KIF18A: variants seen among roughly 807,000 people sequenced by gnomAD.
The protein encoded by KIF18A is kinesin-like protein KIF18A.
Under a neutral mutation model 103.3 loss-of-function variants are expected in KIF18A, and 67 were observed. That is an observed-to-expected ratio of 0.65 (90% CI 0.53 to 0.79). KIF18A has a LOEUF of 0.79. Among genes scored for constraint, KIF18A ranks in the 30% least tolerant of loss-of-function variants. The pLI is 0.00. For synonymous variants in KIF18A, 367 were observed against 355.5 expected, an observed-to-expected ratio of 1.03 and a Z score of -0.36; for missense variants, 1,032 against 1,062.5, an observed-to-expected ratio of 0.97 and a Z score of 0.40.
At chr11:28,062,051 G>T (rs1850861616) in intron 12 of KIF18A, among the ~76,000 whole-genome samples, 1 of 152,066 alleles carries the variant, frequency 6.6e-6, no homozygotes, top group African/African-American at 2.4e-5. Flanking sequence ...TTCAAGTGAT[G>T]TTAACAGCAA....
chr11:28,097,697 G>C lies in KIF18A; in HGVS notation c.251C>G (p.Ser84Ter). The C allele has an allele frequency of 6.2e-7, 1 of 1,611,274 alleles. No individual in the cohort carries two copies. The highest frequency in any genetic ancestry group is 1.3e-5 in the African/African-American group (1 of 74,982). ...FVFDAVFDET[S>*]TQSEVFEHTT... ...GTGTTCAAAAACTTCTGACTGAGTT[G>C]ACGTTTCATCAAAAACAGCATCAAA... Residue 84 changes from serine to a stop codon, truncating the protein, a stop_gained, in exon 2 of 17, where the codon TCA becomes TGA. Transcript: ENST00000263181. LOFTEE classifies it high-confidence loss of function.
intron 15 of KIF18A, among the ~76,000 whole-genome samples, chr11:28,025,823 A>G (rs991137315): frequency 6.6e-6 from 1 of 152,026 alleles, no homozygotes; most frequent in Non-Finnish European, 1.5e-5. Context: ...AAATAAAGTT[A>G]AGAATTAACC....
chr11:28,072,827 CT>C (rs1851038645), intron 10 of KIF18A, among the ~76,000 whole-genome samples: 1 of 151,174 alleles, frequency 6.6e-6, no homozygotes, highest in South Asian at 2.1e-4. Flanking sequence ...ATGTCTTAAT[CT>C]TTCTAGATAA....
chr11:28,069,272 C>A lies in KIF18A; in HGVS notation c.1577G>T (p.Gly526Val). 4.3e-6 allele frequency: 7 copies of A among 1,612,690 alleles called. No homozygotes were observed. Among genetic ancestry groups the A allele is most frequent in the Non-Finnish European group, 5.9e-6 (7 of 1,178,956 alleles). Residue 526 changes from glycine (G) to valine (V), a missense_variant, in exon 11 of 17, where the codon GGT becomes GTT. Coordinates refer to ENST00000263181, the MANE Select transcript of KIF18A (RefSeq NM_031217.4). ...AGATATTTGTACCTTTGGAATATGA[C>A]CGTTTTGACTTAAGAGTCCCATTTC... ...EKEMGLLSQN[G>V]HIPKELKKDL...
chr11:28,100,860 C>T (rs1851436924), intron 1 of KIF18A, among the ~76,000 whole-genome samples: 1 of 152,044 alleles, frequency 6.6e-6, no homozygotes, highest in South Asian at 2.1e-4. Flanking sequence ...TCCGTCTAGC[C>T]AAGTGTCACA....
chr11:28,099,412 T>C (rs1474280602), intron 1 of KIF18A, among the ~76,000 whole-genome samples: 1 of 152,048 alleles, frequency 6.6e-6, no homozygotes, highest in East Asian at 1.9e-4. Context: ...TGGTGATCTA[T>C]TGCACAGCAA....
At chr11:28,069,538 A>G in intron 10 of KIF18A, 115 bp from the exon 11 acceptor site, 7 of 961,542 alleles carry the variant, frequency 7.3e-6, no homozygotes, top group Non-Finnish European at 8.9e-6. Context: ...AAGTTAGGCT[A>G]CATTTTTGTA....
At position 28,097,989 on chromosome 11, in the gene KIF18A, C is replaced by G. The variant is rs367680266; in HGVS notation, c.-42G>C. Reference sequence around the variant, plus strand: ...TCCTATCTGTATAAATACTTGAATACTTCTCTGAAATTAAAAAAGAAAATA... The same window carrying G: ...TCCTATCTGTATAAATACTTGAATAGTTCTCTGAAATTAAAAAAGAAAATA... On this transcript the variant is annotated 5_prime_UTR_variant, in exon 2 of 17. Transcript: ENST00000263181. The G allele has an allele frequency of 1.5e-6, 2 of 1,361,574 alleles. No individual in the cohort carries two copies. The allele number at this position is 1,361,574 out of a possible 1,614,324, so 84.3% of individuals were successfully genotyped here. A position where few individuals can be genotyped will look rare whatever the true frequency, so the allele number is the denominator to read the frequency against.
At chr11:28,098,137 G>A (rs1851399573) in intron 1 of KIF18A, 144 bp from the exon 2 acceptor site, 11 of 522,534 alleles carry the variant, frequency 2.1e-5, no homozygotes, top group East Asian at 6.2e-5. Flanking sequence ...ACATACATAC[G>A]TAGGCACACA....
chr11:28,095,877 T>C (rs186239779), intron 2 of KIF18A, among the ~76,000 whole-genome samples: 34 of 151,690 alleles, frequency 2.2e-4, no homozygotes, highest in African/African-American at 8.2e-4. Flanking sequence ...CTGAGGGCAG[T>C]GGCTCATTCC....
At chr11:28,061,344 T>C (rs1399823224) in intron 12 of KIF18A, among the ~76,000 whole-genome samples, 1 of 152,146 alleles carries the variant, frequency 6.6e-6, no homozygotes, top group Non-Finnish European at 1.5e-5. Flanking sequence ...CTCATCCTCT[T>C]TCTTCTATGC....
At chr11:28,063,042 C>T (rs558605112) in intron 11 of KIF18A, among the ~76,000 whole-genome samples, 1 of 152,100 alleles carries the variant, frequency 6.6e-6, no homozygotes, top group Non-Finnish European at 1.5e-5. Context: ...CCCCAGTGTA[C>T]AAAGTCTTGA....
intron 10 of KIF18A, among the ~76,000 whole-genome samples, chr11:28,072,226 C>T (rs1296517300): frequency 1.3e-5 from 2 of 152,084 alleles, no homozygotes; most frequent in Non-Finnish European, 2.9e-5. Flanking sequence ...AAAAGTCTTG[C>T]GAGAGAACAA....
chr11:28,042,901 T>C (rs148943564), intron 13 of KIF18A, among the ~76,000 whole-genome samples: 64 of 151,974 alleles, frequency 4.2e-4, no homozygotes, highest in African/African-American at 1.5e-3. Context: ...GAGTATTGTA[T>C]AGCTCAGACT....
At chr11:28,061,779 T>C (rs980719562) in intron 12 of KIF18A, among the ~76,000 whole-genome samples, 1 of 152,086 alleles carries the variant, frequency 6.6e-6, no homozygotes, top group African/African-American at 2.4e-5. Context: ...GAAATAAATA[T>C]CCCATTTGCA....
intron 1 of KIF18A, among the ~76,000 whole-genome samples, chr11:28,104,155 A>C (rs1851478046): frequency 6.6e-6 from 1 of 152,196 alleles, no homozygotes; most frequent in Non-Finnish European, 1.5e-5. Context: ...AAGTACAATA[A>C]ATTTTATTTA....
Position 28,077,058 on chromosome 11 carries a change from T to A in KIF18A, c.1374A>T (p.Gln458His). 6.3e-7 allele frequency: 1 copy of A among 1,578,648 alleles called. No individual in the cohort carries two copies. Among genetic ancestry groups the A allele is most frequent in the South Asian group, 1.2e-5 (1 of 85,906 alleles). ...TCATTTCTATTTGTTTATGGCACTG[T>A]TGTTGGTAGAATGATTTAAGTTCAT... ...KENELKSFYQ[Q>H]QCHKQIEMMC... Residue 458 changes from glutamine (Q) to histidine (H), a missense_variant, in exon 10 of 17, where the codon CAA (glutamine) becomes CAT (histidine). Gln to His is a conservative substitution (Grantham distance 24). Transcript: ENST00000263181.
intron 1 of KIF18A, among the ~76,000 whole-genome samples, chr11:28,099,485 TG>T (rs751242310): frequency 3.9e-5 from 6 of 152,164 alleles, no homozygotes; most frequent in Non-Finnish European, 7.4e-5. Context: ...AAATGGTATG[TG>T]AGGTGATGGA....
intron 15 of KIF18A, among the ~76,000 whole-genome samples, chr11:28,027,821 G>A (rs192641857): frequency 1.2e-4 from 18 of 151,862 alleles, no homozygotes; most frequent in East Asian, 7.7e-4. Context: ...AAACAGAGGC[G>A]GAAGGAATAC....
Sources: gnomAD v4.1 joint callset for allele counts (sites outside exome capture counted in the v4.1 genomes callset) on GRCh38, gnomAD v4.1.1 for gene constraint, MANE v1.5 for transcripts, NCBI Gene and HGNC (gene_info 2026-07-23, HGNC 2026-07-21) for gene names.